The following BCL2 variants were observed in gnomAD, a reference collection of about 807,000 sequenced individuals.
The protein encoded by BCL2 is BCL2 apoptosis regulator.
A neutral mutation model predicts 14.2 loss-of-function variants in BCL2; 1 was observed. The observed-to-expected ratio is 0.07, with a 90% CI of 0.02 to 0.33. The LOEUF is 0.33. Among genes scored for constraint, BCL2 ranks in the 10% least tolerant of loss-of-function variants. The probability of loss-of-function intolerance (pLI) is 0.99; values close to 1 mark genes in which losing one functional copy is unlikely to be tolerated. For missense variants in BCL2, 247 were observed against 305.9 expected (o/e 0.81, Z 1.44); for synonymous variants, 151 against 137.2 (o/e 1.10, Z -0.70).
chr18:63,275,379 C>T (rs920907581), intron 2 of BCL2, among the ~76,000 whole-genome samples: 1 of 152,196 alleles, frequency 6.6e-6, no homozygotes, highest in African/African-American at 2.4e-5. Flanking sequence ...GCCCCACCTT[C>T]ACTCAACAAC....
Position 63,318,809 on chromosome 18 carries a change from A to G in BCL2, c.-143T>C, listed in dbSNP as rs765740867. ...ATTCTTGGACGAGGGGGTGTCTTCA[A>G]TCACGCGGAACACTTGATTCTGGTG... On this transcript the variant is annotated 5_prime_UTR_variant, in exon 2 of 3. Coordinates refer to ENST00000333681, the MANE Select transcript of BCL2 (RefSeq NM_000633.3). The surrounding 1 kb of genome is among the most constrained non-coding windows in gnomAD (Gnocchi z 7.4). The G allele has an allele frequency of 3.0e-5, 44 of 1,455,776 alleles. No homozygotes were observed. Among genetic ancestry groups the G allele is most frequent in the African/African-American group, 1.5e-4 (10 of 68,490 alleles). The allele number at this position is 1,455,776 out of a possible 1,614,324, so 90.2% of individuals were successfully genotyped here. A position where few individuals can be genotyped will look rare whatever the true frequency, so the allele number is the denominator to read the frequency against.
chr18:63,204,208 T>C (rs907715248), intron 2 of BCL2, among the ~76,000 whole-genome samples: 1 of 152,210 alleles, frequency 6.6e-6, no homozygotes, highest in African/African-American at 2.4e-5. Flanking sequence ...TAAACAGGTG[T>C]CCATCATCAG....
intron 2 of BCL2, chr18:63,150,984 C>T (rs900289904): frequency 9.2e-5 from 14 of 152,176 alleles, no homozygotes; most frequent in African/African-American, 3.4e-4. Context: ...CTCCTTTCAC[C>T]TTGAGCTCTC....
chr18:63,175,461 A>G (rs1915330197), intron 2 of BCL2, among the ~76,000 whole-genome samples: 1 of 152,264 alleles, frequency 6.6e-6, no homozygotes, highest in African/African-American at 2.4e-5. Flanking sequence ...ACTAGGCTTC[A>G]GCCAGCTGTA....
intron 2 of BCL2, among the ~76,000 whole-genome samples, chr18:63,278,285 G>A (rs576979105): frequency 1.5e-3 from 233 of 152,286 alleles, no homozygotes; most frequent in African/African-American, 5.2e-3. Flanking sequence ...AGATACACTT[G>A]AGGAAAAGAA....
At chr18:63,305,942 G>C (rs1568264807) in intron 2 of BCL2, among the ~76,000 whole-genome samples, 1 of 151,974 alleles carries the variant, frequency 6.6e-6, no homozygotes, top group Non-Finnish European at 1.5e-5. Flanking sequence ...AGGTGTGGTG[G>C]CATGCACCTG....
At position 63,311,052 on chromosome 18, in the gene BCL2, A is replaced by G. The variant is rs930121260; in HGVS notation, c.585+7030T>C. Among the ~76,000 whole-genome samples the G allele has an allele frequency of 1.1e-4, 16 of 151,958 alleles. 1 individual carries two copies. The highest frequency in any genetic ancestry group is 9.2e-4 in the Admixed American group (14 of 15,266). On this transcript the variant is annotated intron_variant, in intron 2 of 2. Transcript: ENST00000333681. The stretch of plus-strand genomic sequence containing the variant: ...TTTTTTTTTTTCAAGAAGATAAATC[A>G]ATATTTAAAGCTGATGATATAATTT...
At chr18:63,281,739 A>AG (rs200867950) in intron 2 of BCL2, among the ~76,000 whole-genome samples, 30 of 149,660 alleles carry the variant, frequency 2.0e-4, no homozygotes, top group Admixed American at 7.3e-4. Context: ...AAAGAAAGAA[A>AG]AAGAGAGAGG....
chr18:63,166,141 A>C (rs9946231), intron 2 of BCL2, among the ~76,000 whole-genome samples: 72 of 152,152 alleles, frequency 4.7e-4, no homozygotes, highest in African/African-American at 1.5e-3. Flanking sequence ...GGGGGCACTC[A>C]CGGCTTTATA....
At chr18:63,202,585 C>G (rs1203811153) in intron 2 of BCL2, among the ~76,000 whole-genome samples, 5 of 152,170 alleles carry the variant, frequency 3.3e-5, no homozygotes, top group Non-Finnish European at 5.9e-5. Flanking sequence ...GCCACAGAGA[C>G]AAACATGCAA....
chr18:63,186,081 G>T (rs1197799902), intron 2 of BCL2, among the ~76,000 whole-genome samples: 1 of 152,106 alleles, frequency 6.6e-6, no homozygotes, highest in African/African-American at 2.4e-5. Flanking sequence ...AGACTATTTT[G>T]GTTTCAGTTA....
intron 2 of BCL2, chr18:63,314,593 A>T (rs1279746654): frequency 1.3e-5 from 2 of 152,342 alleles, no homozygotes; most frequent in South Asian, 2.1e-4. Context: ...CTCCTAAGAC[A>T]TGAAGCTGAA....
intron 2 of BCL2, among the ~76,000 whole-genome samples, chr18:63,279,980 G>T (rs555226836): frequency 2.4e-4 from 37 of 152,294 alleles, no homozygotes; most frequent in Non-Finnish European, 3.5e-4. Context: ...ATTGTCAGGG[G>T]ACATGGCCTT....
chr18:63,296,793 C>T (rs1274338542), intron 2 of BCL2, among the ~76,000 whole-genome samples: 1 of 151,968 alleles, frequency 6.6e-6, no homozygotes, highest in Non-Finnish European at 1.5e-5. Context: ...AACTGTAGCT[C>T]ATTGAAGAAA....
chr18:63,239,068 G>C (rs1275646083), intron 2 of BCL2, among the ~76,000 whole-genome samples: 1 of 152,186 alleles, frequency 6.6e-6, no homozygotes, highest in East Asian at 1.9e-4. Flanking sequence ...TAAATTACCT[G>C]ATTGGGGGTC....
At chr18:63,161,970 T>TTACAC (rs1331021962) in intron 2 of BCL2, 1 of 152,236 alleles carries the variant, frequency 6.6e-6, no homozygotes, top group Non-Finnish European at 1.5e-5. Flanking sequence ...GGTTGAGTGT[T>TTACAC]ATCTATAGAT....
intron 2 of BCL2, among the ~76,000 whole-genome samples, chr18:63,193,633 T>TAC (rs1170607549): frequency 2.7e-5 from 4 of 149,392 alleles, no homozygotes; most frequent in Non-Finnish European, 4.5e-5. Flanking sequence ...CACATACAAA[T>TAC]ACACACACAC....
chr18:63,198,207 C>G (rs78864837), intron 2 of BCL2, among the ~76,000 whole-genome samples: 6 of 151,566 alleles, frequency 4.0e-5, no homozygotes, highest in Non-Finnish European at 7.4e-5. Flanking sequence ...GAGACACACA[C>G]AGACACACAC....
intron 2 of BCL2, among the ~76,000 whole-genome samples, chr18:63,237,134 C>A (rs954411117): frequency 6.6e-6 from 1 of 152,118 alleles, no homozygotes; most frequent in African/African-American, 2.4e-5. Context: ...GCCCCCACCC[C>A]ACCTCTATAC....
Sources: allele counts gnomAD v4.1 joint callset (sites outside exome capture counted in the v4.1 genomes callset), GRCh38; gene constraint gnomAD v4.1.1; non-coding constraint Gnocchi (gnomAD v3.1); transcripts MANE v1.5; gene names NCBI Gene and HGNC (gene_info 2026-07-23, HGNC 2026-07-21).